Variants in ZEB1 observed in about 807,000 individuals in gnomAD.
ZEB1 encodes the protein zinc finger E-box binding homeobox 1, also known as zinc finger E-box-binding homeobox 1.
ZEB1 carries 21 observed loss-of-function variants against 84.9 expected under a neutral mutation model. The ratio of observed to expected loss-of-function variants is 0.25; its 90% confidence interval spans 0.18 to 0.36. The LOEUF (loss-of-function observed/expected upper bound fraction) is 0.36. Among genes scored for constraint, ZEB1 ranks in the 10% least tolerant of loss-of-function variants. The pLI, the probability that ZEB1 is intolerant of heterozygous loss-of-function variation, is 1.00. For missense variants in ZEB1, 1,104 were observed against 1,330.2 expected, an observed-to-expected ratio of 0.83 and a Z score of 2.65; for synonymous variants, 420 against 471.1, an observed-to-expected ratio of 0.89 and a Z score of 1.41.
At position 31,521,233 on chromosome 10, in the gene ZEB1, A is replaced by G; in HGVS notation, c.1901A>G (p.Gln634Arg). The G allele has an allele frequency of 6.2e-7, 1 of 1,614,094 alleles. No individual in the cohort carries two copies. The highest frequency in any genetic ancestry group is 1.1e-5 in the South Asian group (1 of 91,086). The change falls in exon 7 of 9, where the codon CAA (glutamine) becomes CGA (arginine). Residue 634 changes from glutamine to arginine, a missense_variant. Gln to Arg is a conservative substitution (Grantham distance 43). Coordinates refer to ENST00000424869, the MANE Select transcript of ZEB1 (RefSeq NM_001174096.2). ...DVVKKWFEKM[Q>R]AGQISVQSSE... ...GTAAAAAAGTGGTTTGAAAAGATGCAAGCTGGACAGATTTCAGTGCAGTCT... is the reference window on the plus strand; with the variant it reads ...GTAAAAAAGTGGTTTGAAAAGATGCGAGCTGGACAGATTTCAGTGCAGTCT...
At chr10:31,523,793 G>T in intron 7 of ZEB1, 140 bp from the exon 8 acceptor site, 1 of 938,618 alleles carries the variant, frequency 1.1e-6, no homozygotes, top group Non-Finnish European at 1.6e-6. Context: ...GTGCAGTGAA[G>T]ATCAGTGTGC....
At chr10:31,477,968 T>C (rs191698411) in intron 2 of ZEB1, among the ~76,000 whole-genome samples, 26 of 151,916 alleles carry the variant, frequency 1.7e-4, no homozygotes, top group African/African-American at 5.8e-4. Context: ...AATTTATGAC[T>C]AAGACCCCAA....
chr10:31,465,445 A>G (rs1591557442), intron 2 of ZEB1, among the ~76,000 whole-genome samples: 1 of 151,346 alleles, frequency 6.6e-6, no homozygotes, highest in East Asian at 1.9e-4. Context: ...AAGATAAACC[A>G]TGCGATTGCA....
chr10:31,400,986 G>C (rs2051881073), intron 1 of ZEB1, among the ~76,000 whole-genome samples: 2 of 151,956 alleles, frequency 1.3e-5, no homozygotes, highest in Non-Finnish European at 2.9e-5. Context: ...AGACCATCTT[G>C]CTGATGTATC....
At chr10:31,435,319 T>A (rs1291609884) in intron 1 of ZEB1, among the ~76,000 whole-genome samples, 1 of 152,222 alleles carries the variant, frequency 6.6e-6, no homozygotes. Flanking sequence ...TTTAGTCCAG[T>A]GAGACCCATA....
chr10:31,438,308 GACT>G (rs552445655), intron 1 of ZEB1, among the ~76,000 whole-genome samples: 25 of 152,190 alleles, frequency 1.6e-4, no homozygotes, highest in South Asian at 6.2e-4. Flanking sequence ...ACTTTAAATA[GACT>G]ACTATCTTTC....
rs774485268 is a variant in ZEB1, at chr10:31,520,380, G to C, written c.1048G>C (p.Glu350Gln). 6.2e-7 allele frequency: 1 copy of C among 1,613,858 alleles called. No individual in the cohort carries two copies. The highest frequency in any genetic ancestry group is 1.1e-5 in the South Asian group (1 of 91,066). Residue 350 changes from glutamate (E) to glutamine (Q), a missense_variant, in exon 7 of 9, where the codon GAA becomes CAA. Physicochemically the swap from Glu to Gln is conservative, Grantham distance 29. Around this residue, in one of 7 missense-constraint regions of ZEB1, gnomAD observed 111 missense variants for 161.8 expected, o/e 0.69. Coordinates refer to ENST00000424869, the MANE Select transcript of ZEB1 (RefSeq NM_001174096.2). The surrounding 1 kb of genome is among the most constrained non-coding windows in gnomAD (Gnocchi z 5.1). Reference protein sequence around the residue: ...EQLSVNQIKTEPVDYEFKPIV... With the variant: ...EQLSVNQIKTQPVDYEFKPIV... ...ACTTTCTGTTAACCAAATTAAAACT[G>C]AACCTGTGGATTATGAATTCAAACC...
intron 1 of ZEB1, among the ~76,000 whole-genome samples, chr10:31,450,292 C>T (rs1439782357): frequency 6.6e-6 from 1 of 151,954 alleles, no homozygotes; most frequent in East Asian, 1.9e-4. Flanking sequence ...TTATTTTAAG[C>T]TTTTTCCTTC....
chr10:31,474,701 C>T (rs1248559070), intron 2 of ZEB1, among the ~76,000 whole-genome samples: 1 of 152,078 alleles, frequency 6.6e-6, no homozygotes, highest in Non-Finnish European at 1.5e-5. Flanking sequence ...CCCAGCTATC[C>T]CATTACTGGG....
intron 4 of ZEB1, among the ~76,000 whole-genome samples, chr10:31,503,625 T>G (rs1363255683): frequency 1.3e-5 from 2 of 151,660 alleles, no homozygotes; most frequent in African/African-American, 4.8e-5. Context: ...CTATTTTTAG[T>G]TTTTTTTGAG....
intron 1 of ZEB1, chr10:31,387,809 A>T (rs2048893788): frequency 1.0e-6 from 1 of 973,964 alleles, no homozygotes; most frequent in Admixed American, 6.2e-5. Context: ...GTATGTAATC[A>T]TAAAATTTTT....
intron 1 of ZEB1, among the ~76,000 whole-genome samples, chr10:31,450,876 G>T (rs1047292505): frequency 1.3e-5 from 2 of 150,710 alleles, no homozygotes; most frequent in Admixed American, 1.3e-4. Flanking sequence ...GACTGAGCGT[G>T]TGTGTGTGTG....
At chr10:31,337,166 G>T (rs1182690767) in intron 1 of ZEB1, among the ~76,000 whole-genome samples, 1 of 152,074 alleles carries the variant, frequency 6.6e-6, no homozygotes, top group Non-Finnish European at 1.5e-5. Flanking sequence ...GGAAAATAAT[G>T]TTCGAACAAA....
intron 2 of ZEB1, among the ~76,000 whole-genome samples, chr10:31,490,408 A>G (rs1265268947): frequency 6.6e-6 from 1 of 151,634 alleles, no homozygotes; most frequent in East Asian, 1.9e-4. Flanking sequence ...CAAAGTGGAT[A>G]GTTTCCATTG....
intron 1 of ZEB1, among the ~76,000 whole-genome samples, chr10:31,447,165 G>C (rs1167811456): frequency 6.6e-6 from 1 of 152,016 alleles, no homozygotes; most frequent in Non-Finnish European, 1.5e-5. Flanking sequence ...TTACCATTAT[G>C]TAATGGCCTT....
intron 1 of ZEB1, among the ~76,000 whole-genome samples, chr10:31,351,768 A>G (rs1347666082): frequency 6.6e-6 from 1 of 152,220 alleles, no homozygotes; most frequent in Non-Finnish European, 1.5e-5. Flanking sequence ...GCATGTATTC[A>G]GCATATTTCA....
chr10:31,381,490 CAAG>C (rs1419248598), intron 1 of ZEB1, among the ~76,000 whole-genome samples: 1 of 152,128 alleles, frequency 6.6e-6, no homozygotes, highest in African/African-American at 2.4e-5. Flanking sequence ...GTTTCTAAAT[CAAG>C]AATATTGGCA....
At chr10:31,402,477 G>A (rs1444966209) in intron 1 of ZEB1, among the ~76,000 whole-genome samples, 1 of 151,972 alleles carries the variant, frequency 6.6e-6, no homozygotes, top group Admixed American at 6.6e-5. Context: ...CTGACTGAGT[G>A]GACACAGCCC....
intron 1 of ZEB1, among the ~76,000 whole-genome samples, chr10:31,380,806 T>A (rs1312193577): frequency 6.6e-6 from 1 of 152,226 alleles, no homozygotes; most frequent in African/African-American, 2.4e-5. Context: ...CTTGAGTACC[T>A]ATTTTACATG....
Sources: gnomAD v4.1 joint callset for allele counts (sites outside exome capture counted in the v4.1 genomes callset) on GRCh38, gnomAD v4.1.1 for gene constraint, gnomAD v4.1.1 regional missense constraint, Gnocchi (gnomAD v3.1) non-coding constraint, MANE v1.5 for transcripts, NCBI Gene and HGNC (gene_info 2026-07-23, HGNC 2026-07-21) for gene names.